Variants in AMPH observed in about 807,000 individuals in gnomAD.
AMPH encodes the protein amphiphysin.
Under a neutral mutation model 99.1 loss-of-function variants are expected in AMPH, and 49 were observed. The observed-to-expected ratio is 0.49, with a 90% CI of 0.39 to 0.63. The LOEUF (loss-of-function observed/expected upper bound fraction) is 0.63, where lower values mean the gene tolerates loss of function less well. Among genes scored for constraint, AMPH ranks in the 20% least tolerant of loss-of-function variants. The probability of loss-of-function intolerance (pLI) is 0.00; values close to 1 mark genes in which losing one functional copy is unlikely to be tolerated. For synonymous variants in AMPH, 314 were observed against 317.3 expected (o/e 0.99, Z 0.11); for missense variants, 759 against 863.4 (o/e 0.88, Z 1.52).
At chr7:38,620,596 A>C (rs1794026728) in intron 1 of AMPH, among the ~76,000 whole-genome samples, 1 of 146,216 alleles carries the variant, frequency 6.8e-6, no homozygotes. Context: ...CACACGTGCA[A>C]TTGATTAAAT....
intron 17 of AMPH, among the ~76,000 whole-genome samples, chr7:38,404,344 G>A (rs549865712): frequency 1.1e-4 from 16 of 152,144 alleles, no homozygotes; most frequent in Admixed American, 3.3e-4. Context: ...CTGGACTGGA[G>A]ACTGAAGACC....
chr7:38,570,601 T>A (rs151077231), intron 1 of AMPH, among the ~76,000 whole-genome samples: 1 of 152,186 alleles, frequency 6.6e-6, no homozygotes, highest in Non-Finnish European at 1.5e-5. Flanking sequence ...AAGTCTTGCA[T>A]ATGCAATTAT....
chr7:38,554,418 CA>C (rs1329682499), intron 1 of AMPH, among the ~76,000 whole-genome samples: 1 of 152,144 alleles, frequency 6.6e-6, no homozygotes, highest in Non-Finnish European at 1.5e-5. Flanking sequence ...TACACTTTGG[CA>C]GCATTTATCA....
chr7:38,516,608 G>A (rs1401205376), intron 2 of AMPH, among the ~76,000 whole-genome samples: 1 of 152,188 alleles, frequency 6.6e-6, no homozygotes, highest in African/African-American at 2.4e-5. Context: ...AAGAAATATG[G>A]GATTGGACTC....
chr7:38,555,795 T>A (rs1247279867), intron 1 of AMPH, among the ~76,000 whole-genome samples: 1 of 152,246 alleles, frequency 6.6e-6, no homozygotes, highest in East Asian at 1.9e-4. Context: ...TTTTTTCTCA[T>A]AATTTGTAGT....
chr7:38,393,912 C>T, intron 18 of AMPH, 93 bp downstream of exon 18: 1 of 1,199,656 alleles, frequency 8.3e-7, no homozygotes. Context: ...ACCTATTATA[C>T]ATCCAAAGAG....
chr7:38,607,544 C>T (rs1212014999), intron 1 of AMPH, among the ~76,000 whole-genome samples: 1 of 152,174 alleles, frequency 6.6e-6, no homozygotes, highest in Non-Finnish European at 1.5e-5. Flanking sequence ...CCTTCAGGGA[C>T]CTCAGGACCC....
At chr7:38,589,956 T>G (rs1017233787) in intron 1 of AMPH, among the ~76,000 whole-genome samples, 21 of 152,184 alleles carry the variant, frequency 1.4e-4, no homozygotes, top group Admixed American at 1.3e-3. Context: ...TAATGAGTTC[T>G]TGTTGCTCGA....
At chr7:38,610,246 A>AG (rs1793584583) in intron 1 of AMPH, among the ~76,000 whole-genome samples, 1 of 17,498 alleles carries the variant, frequency 5.7e-5, no homozygotes, top group African/African-American at 5.2e-4. Flanking sequence ...AAAAAAAAAA[A>AG]AAAAAAAAAA....
chr7:38,587,914 C>CTGTGTG lies in AMPH; in HGVS notation c.69+43363_69+43368dup, dbSNP rs200023803. ...TGAACTTTAAACAGCTTATTAATTA[C>CTGTGTG]TGTGTGTGTGTGTGTGTGTGTGTGT... On this transcript the variant is annotated intron_variant, in intron 1 of 20. Transcript: ENST00000356264. Among the ~76,000 whole-genome samples, 449 of 126,188 alleles carry CTGTGTG rather than the reference C, an allele frequency of 3.6e-3. 2 individuals carry two copies. Among genetic ancestry groups the CTGTGTG allele is most frequent in the South Asian group, 7.7e-3 (32 of 4,136 alleles). 82.8% of individuals were successfully genotyped at this position (126,188 alleles called of 152,430 possible).
At chr7:38,445,875 C>T (rs1229761028) in intron 11 of AMPH, among the ~76,000 whole-genome samples, 1 of 152,134 alleles carries the variant, frequency 6.6e-6, no homozygotes, top group Non-Finnish European at 1.5e-5. Flanking sequence ...GCACCATCCT[C>T]CCTTGGTACT....
intron 6 of AMPH, among the ~76,000 whole-genome samples, chr7:38,476,271 C>A (rs1788082488): frequency 6.6e-6 from 1 of 151,972 alleles, no homozygotes; most frequent in Admixed American, 6.6e-5. Context: ...GCAATAGAAA[C>A]CATTAAAAGA....
chr7:38,462,939 G>A (rs1219395259), intron 10 of AMPH, 36 bp downstream of exon 10: 1 of 1,513,552 alleles, frequency 6.6e-7, no homozygotes, highest in Non-Finnish European at 8.8e-7. Context: ...ATCTCATCAT[G>A]AGCTCTATCC....
At chr7:38,517,852 T>C (rs1433171191) in intron 2 of AMPH, among the ~76,000 whole-genome samples, 4 of 152,190 alleles carry the variant, frequency 2.6e-5, no homozygotes, top group Non-Finnish European at 5.9e-5. Context: ...GAGATTAATA[T>C]GAACAAAAAG....
At chr7:38,492,991 G>C (rs957092597) in intron 4 of AMPH, among the ~76,000 whole-genome samples, 2 of 152,188 alleles carry the variant, frequency 1.3e-5, no homozygotes, top group Non-Finnish European at 2.9e-5. Flanking sequence ...TGAAAGTAAT[G>C]TGTGCGGTCT....
chr7:38,474,559 G>A (rs1788013486), intron 7 of AMPH, among the ~76,000 whole-genome samples: 1 of 152,140 alleles, frequency 6.6e-6, no homozygotes, highest in Non-Finnish European at 1.5e-5. Flanking sequence ...TTTGTATATA[G>A]GAAGGCTTTA....
intron 12 of AMPH, among the ~76,000 whole-genome samples, chr7:38,432,760 T>C (rs111350067): frequency 2.0e-5 from 3 of 152,286 alleles, no homozygotes; most frequent in African/African-American, 4.8e-5. Context: ...AGCTTAATGG[T>C]AAATGAGCCC....
chr7:38,572,923 C>G (rs1281474949), intron 1 of AMPH, among the ~76,000 whole-genome samples: 1 of 152,140 alleles, frequency 6.6e-6, no homozygotes, highest in Non-Finnish European at 1.5e-5. Flanking sequence ...GGCCTCCAAG[C>G]TCCAGCACAA....
At chr7:38,432,724 CTCA>C (rs1562751145) in intron 12 of AMPH, among the ~76,000 whole-genome samples, 2 of 152,112 alleles carry the variant, frequency 1.3e-5, no homozygotes, top group African/African-American at 2.4e-5. Context: ...TCCTTCCCAT[CTCA>C]TTCAAGAGGA....
Sources: gnomAD v4.1 joint callset for allele counts (sites outside exome capture counted in the v4.1 genomes callset) on GRCh38, gnomAD v4.1.1 for gene constraint, MANE v1.5 for transcripts, NCBI Gene and HGNC (gene_info 2026-07-23, HGNC 2026-07-21) for gene names.